Variants in KCNH1 observed in about 807,000 individuals in gnomAD.
KCNH1 encodes the protein potassium voltage-gated channel subfamily H member 1, also known as voltage-gated delayed rectifier potassium channel KCNH1.
In KCNH1, 27 loss-of-function variants were observed where a neutral mutation model predicts 69.2. The ratio of observed to expected loss-of-function variants is 0.39; its 90% CI spans 0.29 to 0.54. The LOEUF is 0.54. Ranked by LOEUF, KCNH1 falls within the 20% of genes least tolerant of loss-of-function variation. KCNH1 has a pLI of 0.68. For synonymous variants in KCNH1, 456 were observed against 487.7 expected, an observed-to-expected ratio of 0.93 and a Z score of 0.86; for missense variants, 798 against 1,261.6, an observed-to-expected ratio of 0.63 and a Z score of 5.57.
chr1:210,872,808 C>T (rs1686281939), intron 7 of KCNH1, among the ~76,000 whole-genome samples: 1 of 152,154 alleles, frequency 6.6e-6, no homozygotes, highest in Non-Finnish European at 1.5e-5. Context: ...CCCACCAGGT[C>T]CCACCACCAA....
At chr1:211,010,873 A>G (rs1464062389) in intron 6 of KCNH1, among the ~76,000 whole-genome samples, 1 of 152,208 alleles carries the variant, frequency 6.6e-6, no homozygotes, top group African/African-American at 2.4e-5. Flanking sequence ...AAAGAGAAGT[A>G]GAACTTGGAT....
chr1:211,046,743 A>G (rs986576187), intron 5 of KCNH1, among the ~76,000 whole-genome samples: 1 of 152,288 alleles, frequency 6.6e-6, no homozygotes, highest in Non-Finnish European at 1.5e-5. Context: ...TCATCCTTAT[A>G]ACAACCATGC....
At chr1:211,083,028 G>A in intron 4 of KCNH1, 130 bp from the exon 5 acceptor site, 1 of 701,040 alleles carries the variant, frequency 1.4e-6, no homozygotes, top group Non-Finnish European at 2.4e-6. Context: ...GAGTCACTCT[G>A]CATCCCTGCA....
chr1:210,971,455 T>C (rs1439008333), intron 6 of KCNH1, among the ~76,000 whole-genome samples: 2 of 152,182 alleles, frequency 1.3e-5, no homozygotes, highest in African/African-American at 2.4e-5. Context: ...TAAAATTATA[T>C]GAACTTAAAA....
chr1:211,104,445 A>C (rs1241400581), intron 2 of KCNH1, among the ~76,000 whole-genome samples: 1 of 152,194 alleles, frequency 6.6e-6, no homozygotes, highest in East Asian at 1.9e-4. Flanking sequence ...GGATACTAGA[A>C]GGTCTACCTG....
chr1:210,878,624 C>A (rs901687055), intron 7 of KCNH1, among the ~76,000 whole-genome samples: 9 of 151,914 alleles, frequency 5.9e-5, no homozygotes, highest in African/African-American at 1.9e-4. Context: ...TTGTGGGATG[C>A]AGCAAATACA....
chr1:211,031,974 C>G (rs923810052), intron 5 of KCNH1, among the ~76,000 whole-genome samples: 15 of 152,104 alleles, frequency 9.9e-5, no homozygotes, highest in East Asian at 7.7e-4. Context: ...TCAAATTGTC[C>G]CTGTTTGCAG....
At chr1:210,770,432 GA>G (rs1239978490) in intron 10 of KCNH1, among the ~76,000 whole-genome samples, 1 of 152,216 alleles carries the variant, frequency 6.6e-6, no homozygotes, top group Non-Finnish European at 1.5e-5. Context: ...CACAAACAAG[GA>G]AACTGAGGCT....
At chr1:210,808,363 G>T (rs1684630642) in intron 7 of KCNH1, among the ~76,000 whole-genome samples, 1 of 152,120 alleles carries the variant, frequency 6.6e-6, no homozygotes, top group Non-Finnish European at 1.5e-5. Context: ...CAGGCAGCAG[G>T]TCAGACATCA....
intron 5 of KCNH1, chr1:211,063,525 G>C (rs1417900435): frequency 6.6e-6 from 1 of 152,284 alleles, no homozygotes; most frequent in East Asian, 1.9e-4. Context: ...CAGATCACTT[G>C]AAGTCGGGAG....
At chr1:210,896,016 G>C (rs902112040) in intron 7 of KCNH1, among the ~76,000 whole-genome samples, 6 of 152,180 alleles carry the variant, frequency 3.9e-5, no homozygotes, top group South Asian at 2.1e-4. Flanking sequence ...TTGCTTATCA[G>C]AGTAGGGTAT....
At position 211,134,049 on chromosome 1, in the gene KCNH1, T is replaced by C; in HGVS notation, c.-104A>G. ...CGCAGTCCCGGCTCGAAGCGCCCCATGCGCCCGGCGGGGATCCGCAGGCAG... is the reference window on the plus strand; with the variant it reads ...CGCAGTCCCGGCTCGAAGCGCCCCACGCGCCCGGCGGGGATCCGCAGGCAG... On this transcript the variant is annotated 5_prime_UTR_variant, in exon 1 of 11. The change abolishes an upstream ATG in the 5' untranslated region. Coordinates refer to ENST00000271751, the MANE Select transcript of KCNH1 (RefSeq NM_172362.3). The surrounding 1 kb of genome is among the most constrained non-coding windows in gnomAD (Gnocchi z 5.7). 1 of 988,132 alleles carries C rather than the reference T, an allele frequency of 1.0e-6. No homozygotes were observed. Among genetic ancestry groups the C allele is most frequent in the South Asian group, 1.5e-5 (1 of 68,192 alleles). 61.2% of individuals were successfully genotyped at this position (988,132 alleles called of 1,614,324 possible). A position where few individuals can be genotyped will look rare whatever the true frequency, so the allele number is the denominator to read the frequency against.
intron 10 of KCNH1, among the ~76,000 whole-genome samples, chr1:210,709,969 T>G (rs185237568): frequency 1.5e-4 from 23 of 152,342 alleles, no homozygotes; most frequent in Admixed American, 1.4e-3. Context: ...GATACAGTCA[T>G]GTGTTGCTTA....
rs535103775 is a variant in KCNH1 at position 211,106,227 on chromosome 1, A to G, written c.203+1027T>C. Among the ~76,000 whole-genome samples, 5 of 152,364 alleles carry G rather than the reference A, an allele frequency of 3.3e-5. No individual in the cohort carries two copies. The East Asian group carries it at 5.8e-4, about 18-fold the overall frequency. On this transcript the variant is annotated intron_variant, in intron 2 of 10. Transcript: ENST00000271751. ...AGAGACTGAGAGGAGCCAAAAGGCT[A>G]TGGTGGGCCAAGACCTTGCCAGGGC...
intron 6 of KCNH1, among the ~76,000 whole-genome samples, chr1:211,001,304 A>C (rs1020342988): frequency 6.6e-6 from 1 of 152,224 alleles, no homozygotes; most frequent in African/African-American, 2.4e-5. Flanking sequence ...AATGAACTCA[A>C]ACAAATTTAC....
chr1:210,870,427 A>T (rs1686213777), intron 7 of KCNH1, among the ~76,000 whole-genome samples: 1 of 152,142 alleles, frequency 6.6e-6, no homozygotes, highest in Admixed American at 6.6e-5. Context: ...ACAAGAATTG[A>T]AAAAAGCACA....
chr1:211,051,684 C>T (rs1380555243), intron 5 of KCNH1, among the ~76,000 whole-genome samples: 2 of 152,056 alleles, frequency 1.3e-5, no homozygotes, highest in East Asian at 1.9e-4. Context: ...TGTAAGTCAC[C>T]ATGTAAAATT....
chr1:210,840,633 T>C (rs1276401088), intron 7 of KCNH1, among the ~76,000 whole-genome samples: 1 of 152,206 alleles, frequency 6.6e-6, no homozygotes, highest in Non-Finnish European at 1.5e-5. Context: ...ACTTCGAGCA[T>C]TCTGCAAAGC....
intron 5 of KCNH1, among the ~76,000 whole-genome samples, chr1:211,058,062 C>A (rs931012124): frequency 2.0e-5 from 3 of 152,050 alleles, no homozygotes; most frequent in African/African-American, 7.2e-5. Flanking sequence ...TCACAACATA[C>A]TTAAAATAGA....
Sources: gnomAD v4.1 joint callset for allele counts (sites outside exome capture counted in the v4.1 genomes callset) on GRCh38, gnomAD v4.1.1 for gene constraint, Gnocchi (gnomAD v3.1) non-coding constraint, MANE v1.5 for transcripts, NCBI Gene and HGNC (gene_info 2026-07-23, HGNC 2026-07-21) for gene names.